ANO1: variants seen among roughly 807,000 people sequenced by gnomAD.
The protein encoded by ANO1 is anoctamin 1.
ANO1 carries 59 observed loss-of-function variants against 124.0 expected under a neutral mutation model. The ratio of observed to expected loss-of-function variants is 0.48; its 90% CI spans 0.39 to 0.59. ANO1 has a LOEUF of 0.59. Ranked by LOEUF, ANO1 falls within the 20% of genes least tolerant of loss-of-function variation. The pLI is 0.00. For synonymous variants in ANO1, 529 were observed against 532.0 expected, an observed-to-expected ratio of 0.99 and a Z score of 0.08; for missense variants, 1,059 against 1,328.0, an observed-to-expected ratio of 0.80 and a Z score of 3.15.
chr11:70,062,688 C>T (rs1555007930), intron 1 of ANO1, among the ~76,000 whole-genome samples: 1 of 152,202 alleles, frequency 6.6e-6, no homozygotes, highest in Non-Finnish European at 1.5e-5. Flanking sequence ...GCATGTCTCT[C>T]CTCCATGAGA....
chr11:70,057,688 G>A (rs969987994), intron 1 of ANO1, among the ~76,000 whole-genome samples: 5 of 152,096 alleles, frequency 3.3e-5, no homozygotes, highest in African/African-American at 9.7e-5. Flanking sequence ...TCACAAGGTC[G>A]ATTGATTGGT....
chr11:70,109,883 A>T (rs560482906), intron 6 of ANO1, among the ~76,000 whole-genome samples: 14 of 152,058 alleles, frequency 9.2e-5, no homozygotes. Flanking sequence ...GACGGGGCAG[A>T]TAGATGCGGG....
chr11:70,133,157 T>G (rs1376748040), intron 11 of ANO1, among the ~76,000 whole-genome samples: 2 of 152,024 alleles, frequency 1.3e-5, no homozygotes, highest in Non-Finnish European at 2.9e-5. Context: ...GTGTGCTCTG[T>G]GGGTAGGCAA....
upstream of ANO1, among the ~76,000 whole-genome samples, chr11:69,985,575 G>A (rs994056455): frequency 4.6e-5 from 7 of 152,218 alleles, no homozygotes; most frequent in East Asian, 1.9e-4. Flanking sequence ...TCTCTCGGGG[G>A]CTGGCTCAAG....
chr11:70,051,629 C>A (rs983768617), intron 1 of ANO1, among the ~76,000 whole-genome samples: 1 of 152,156 alleles, frequency 6.6e-6, no homozygotes, highest in Admixed American at 6.5e-5. Flanking sequence ...TGTGGTTTTA[C>A]GCTGTGTCTT....
At chr11:70,077,464 A>G (rs1465440585), upstream of ANO1, among the ~76,000 whole-genome samples, 1 of 152,148 alleles carries the variant, frequency 6.6e-6, no homozygotes, top group African/African-American at 2.4e-5. Context: ...TAACCTGAGT[A>G]TGGTCGTCCC....
At chr11:70,084,363 G>A (rs1181377790) in intron 1 of ANO1, among the ~76,000 whole-genome samples, 1 of 152,176 alleles carries the variant, frequency 6.6e-6, no homozygotes, top group African/African-American at 2.4e-5. Flanking sequence ...AGGGGAAAGC[G>A]TATCTGCCAT....
Position 70,034,808 on chromosome 11 carries a change from G to T in ANO1, c.59-43734G>T, listed in dbSNP as rs190893619. Among the ~76,000 whole-genome samples the T allele has an allele frequency of 1.1e-3, 165 of 152,242 alleles. 1 individual carries two copies. Among genetic ancestry groups the T allele is most frequent in the African/African-American group, 3.8e-3 (156 of 41,544 alleles). ...AAATATTGGGGCTTTTGCACTTAAC[G>T]CAAAAGACAAAGACAAAAAAGAACA... On this transcript the variant is annotated intron_variant, in intron 1 of 27. Transcript: ENST00000531349.
At chr11:70,058,261 T>C (rs1857486652) in intron 1 of ANO1, among the ~76,000 whole-genome samples, 1 of 152,198 alleles carries the variant, frequency 6.6e-6, no homozygotes, top group African/African-American at 2.4e-5. Flanking sequence ...TTCAGCATAA[T>C]TATTTACTTG....
At chr11:69,974,306 CA>C in the ANO1 span, among the ~76,000 whole-genome samples, 1 of 152,186 alleles carries the variant, frequency 6.6e-6, no homozygotes, top group East Asian at 1.9e-4. Context: ...GCCTGGAAGA[CA>C]GAGCCAGGCT....
intron 11 of ANO1, among the ~76,000 whole-genome samples, chr11:70,147,635 G>C (rs777925787): frequency 1.3e-5 from 2 of 152,342 alleles, no homozygotes; most frequent in South Asian, 2.1e-4. Context: ...CAGAAGGTGG[G>C]AGGAAGGGAG....
At chr11:69,966,087 C>T in the ANO1 span, among the ~76,000 whole-genome samples, 134 of 152,286 alleles carry the variant, frequency 8.8e-4, 1 homozygote, top group Middle Eastern at 0.01. Flanking sequence ...AGGTTAAGCA[C>T]CTGACACTGC....
chr11:70,068,002 A>G (rs189443827), intron 1 of ANO1, among the ~76,000 whole-genome samples: 1 of 152,320 alleles, frequency 6.6e-6, no homozygotes, highest in East Asian at 1.9e-4. Flanking sequence ...AAGGACCTTA[A>G]TAAATAGGCT....
At chr11:70,161,833 G>A in intron 18 of ANO1, 100 bp downstream of exon 18, 2 of 1,196,392 alleles carry the variant, frequency 1.7e-6, no homozygotes, top group Non-Finnish European at 2.4e-6. Context: ...CCAGGGCAGG[G>A]CAGACACCGT....
chr11:70,113,698 T>C (rs1303821440), intron 7 of ANO1, among the ~76,000 whole-genome samples: 1 of 152,080 alleles, frequency 6.6e-6, no homozygotes, highest in Non-Finnish European at 1.5e-5. Flanking sequence ...CGGCCCTCCC[T>C]GCTTGTTTTG....
chr11:69,974,867 G>A, the ANO1 span, among the ~76,000 whole-genome samples: 8 of 131,588 alleles, frequency 6.1e-5, no homozygotes, highest in African/African-American at 2.4e-4. Context: ...ATCTGAAAAA[G>A]ACTAGGATGC....
intron 10 of ANO1, 36 bp downstream of exon 10, chr11:70,126,231 A>G (rs1041394046): frequency 2.5e-6 from 4 of 1,595,288 alleles, no homozygotes; most frequent in South Asian, 1.1e-5. Context: ...CCCGCAGTAC[A>G]CAGAGGAGCC....
At chr11:70,050,796 C>T (rs1044329073) in intron 1 of ANO1, among the ~76,000 whole-genome samples, 1 of 152,098 alleles carries the variant, frequency 6.6e-6, no homozygotes, top group South Asian at 2.1e-4. Flanking sequence ...AGCTTTGTGA[C>T]CTAGGGCAAG....
At chr11:69,994,820 T>C (rs1406672824) in intron 1 of ANO1, among the ~76,000 whole-genome samples, 1 of 152,212 alleles carries the variant, frequency 6.6e-6, no homozygotes, top group Non-Finnish European at 1.5e-5. Context: ...GAGTTCAGAC[T>C]GCTTTTCACA....
Sources: allele counts gnomAD v4.1 joint callset (sites outside exome capture counted in the v4.1 genomes callset), GRCh38; gene constraint gnomAD v4.1.1; transcripts MANE v1.5; gene names NCBI Gene and HGNC (gene_info 2026-07-23, HGNC 2026-07-21).